The following RBFOX1 variants were observed in gnomAD, a reference collection of about 807,000 sequenced individuals.
RBFOX1 encodes the protein RNA binding fox-1 homolog 1, also known as RNA binding protein fox-1 homolog 1.
A neutral mutation model predicts 57.7 loss-of-function variants in RBFOX1; 8 were observed. The observed-to-expected ratio is 0.14, with a 90% CI of 0.08 to 0.25. The LOEUF (loss-of-function observed/expected upper bound fraction) is 0.25, where lower values mean the gene tolerates loss of function less well. RBFOX1 is among the 10% of genes least tolerant of loss of function. The probability of loss-of-function intolerance (pLI) is 1.00; values close to 1 mark genes in which losing one functional copy is unlikely to be tolerated. For synonymous variants in RBFOX1, 326 were observed against 222.4 expected (o/e 1.47, Z -4.15); for missense variants, 611 against 548.5 (o/e 1.11, Z -1.14).
In RBFOX1 at chr16:7,711,821, A is replaced by C. The variant is rs761676306; in HGVS notation, c.*1076A>C. 6.6e-6 allele frequency: 1 copy of C among 152,630 alleles called. No individual in the cohort carries two copies. Among genetic ancestry groups the C allele is most frequent in the Non-Finnish European group, 1.5e-5 (1 of 68,034 alleles). The allele number at this position is 152,630 out of a possible 1,614,324, so 9.5% of individuals were successfully genotyped here. The stretch of plus-strand genomic sequence containing the variant: ...TTCGGATTTATAGAAGCATTTTACA[A>C]GTATTGCAATCATTGAGTAGAGATA... On this transcript the variant is annotated 3_prime_UTR_variant, in exon 16 of 16. Transcript: ENST00000550418.
chr16:6,542,226 A>G (rs901384590), intron 2 of RBFOX1, among the ~76,000 whole-genome samples: 1 of 151,882 alleles, frequency 6.6e-6, no homozygotes, highest in Non-Finnish European at 1.5e-5. Flanking sequence ...TTGCCCCACC[A>G]ACATCTATTT....
chr16:6,347,833 A>G (rs775654128), intron 2 of RBFOX1, among the ~76,000 whole-genome samples: 21 of 152,246 alleles, frequency 1.4e-4, no homozygotes, highest in Admixed American at 3.3e-4. Flanking sequence ...GTTTGTTGAA[A>G]GAATGAGTGA....
At position 7,426,361 on chromosome 16, in the gene RBFOX1, C is replaced by G. The variant is rs533761408; in HGVS notation, c.28-91786C>G. Among the ~76,000 whole-genome samples the G allele has an allele frequency of 9.8e-5, 15 of 152,324 alleles. No homozygotes were observed. In the East Asian group the frequency reaches 2.9e-3, roughly 29 times the overall value. On this transcript the variant is annotated intron_variant, in intron 4 of 15. Coordinates refer to ENST00000550418, the MANE Select transcript of RBFOX1 (RefSeq NM_018723.4). Reference sequence around the variant, plus strand: ...GGGAGTTGCCAGTCACCACTTAACACCCAGCTCTGGGGGCACCATGGGCAC... The same window carrying G: ...GGGAGTTGCCAGTCACCACTTAACAGCCAGCTCTGGGGGCACCATGGGCAC...
chr16:6,437,208 G>T (rs1169684048), intron 2 of RBFOX1, among the ~76,000 whole-genome samples: 4 of 152,158 alleles, frequency 2.6e-5, no homozygotes, highest in Non-Finnish European at 5.9e-5. Context: ...TGTTCAATCA[G>T]GAATGAGCGT....
chr16:6,639,983 C>A (rs1238929183), intron 2 of RBFOX1, among the ~76,000 whole-genome samples: 1 of 152,162 alleles, frequency 6.6e-6, no homozygotes, highest in Non-Finnish European at 1.5e-5. Flanking sequence ...TATCTCAGTA[C>A]TAACACTAAC....
chr16:5,718,581 T>G (rs1394021725), intron 3 of RBFOX1, among the ~76,000 whole-genome samples: 2 of 152,226 alleles, frequency 1.3e-5, no homozygotes, highest in African/African-American at 4.8e-5. Flanking sequence ...TGACACATAC[T>G]TAGATTTGAT....
intron 2 of RBFOX1, among the ~76,000 whole-genome samples, chr16:6,621,209 C>T (rs1415138163): frequency 2.0e-5 from 3 of 152,192 alleles, no homozygotes; most frequent in Non-Finnish European, 4.4e-5. Context: ...CGCCTGTATT[C>T]CCAGCACATT....
intron 4 of RBFOX1, among the ~76,000 whole-genome samples, chr16:7,264,174 C>T (rs2095040354): frequency 6.6e-6 from 1 of 152,116 alleles, no homozygotes; most frequent in South Asian, 2.1e-4. Flanking sequence ...TCCTGGACTC[C>T]AGACCTCAAG....
rs556034063 is a variant in RBFOX1, at chr16:5,437,377, G to A, written c.220-29839G>A. Among the ~76,000 whole-genome samples the A allele has an allele frequency of 2.8e-4, 42 of 152,170 alleles. No individual in the cohort carries two copies. In the East Asian group the frequency reaches 6.6e-3, roughly 24 times the overall value. The stretch of plus-strand genomic sequence containing the variant: ...GGGAAACAATTTGGTATGATATACC[G>A]AAAACCTTAAAGAGACCTTGAACCA... On this transcript the variant is annotated intron_variant, in intron 1 of 2. Coordinates refer to the RBFOX1 transcript ENST00000585867.
chr16:6,482,905 T>C (rs1166281968), intron 2 of RBFOX1, among the ~76,000 whole-genome samples: 1 of 152,206 alleles, frequency 6.6e-6, no homozygotes, highest in Non-Finnish European at 1.5e-5. Flanking sequence ...TTTAGACATT[T>C]GATTGCTCGT....
At chr16:7,688,111 T>A (rs2076460261) in intron 14 of RBFOX1, among the ~76,000 whole-genome samples, 1 of 152,034 alleles carries the variant, frequency 6.6e-6, no homozygotes, top group Non-Finnish European at 1.5e-5. Context: ...CAGGTAGAAT[T>A]GGATTTTGTC....
At chr16:5,957,679 A>G (rs2059672170) in intron 4 of RBFOX1, among the ~76,000 whole-genome samples, 1 of 152,044 alleles carries the variant, frequency 6.6e-6, no homozygotes. Flanking sequence ...AAATTTTGGA[A>G]TTTTGTGGGT....
intron 1 of RBFOX1, among the ~76,000 whole-genome samples, chr16:5,350,550 A>G (rs1355485984): frequency 6.6e-6 from 1 of 152,172 alleles, no homozygotes; most frequent in Non-Finnish European, 1.5e-5. Flanking sequence ...TCCCACTTCT[A>G]GAGCCTCAGT....
chr16:5,978,043 A>G (rs531874318), intron 4 of RBFOX1, among the ~76,000 whole-genome samples: 2 of 147,732 alleles, frequency 1.4e-5, no homozygotes, highest in South Asian at 2.2e-4. Context: ...AGTTTTGTAA[A>G]GTAAGCTTTC....
intron 3 of RBFOX1, among the ~76,000 whole-genome samples, chr16:7,040,300 T>G (rs1193717541): frequency 6.6e-6 from 1 of 152,144 alleles, no homozygotes; most frequent in Non-Finnish European, 1.5e-5. Flanking sequence ...ATTGCAGGTG[T>G]GAGCCACCGT....
At chr16:5,956,678 A>ATTTTTTTTTTTT (rs34743228) in intron 4 of RBFOX1, among the ~76,000 whole-genome samples, 3 of 116,508 alleles carry the variant, frequency 2.6e-5, no homozygotes, top group African/African-American at 6.9e-5. Flanking sequence ...ATATATATAT[A>ATTTTTTTTTTTT]TTTTTTTTGA....
At chr16:6,988,962 C>A (rs1013210900) in intron 3 of RBFOX1, among the ~76,000 whole-genome samples, 1 of 151,966 alleles carries the variant, frequency 6.6e-6, no homozygotes, top group African/African-American at 2.4e-5. Flanking sequence ...TGGGTTTTCC[C>A]ATGTTGGCTA....
At chr16:7,470,279 G>A (rs866113580) in intron 4 of RBFOX1, among the ~76,000 whole-genome samples, 8 of 152,286 alleles carry the variant, frequency 5.3e-5, no homozygotes, top group South Asian at 4.1e-4. Flanking sequence ...CATCCTTAGT[G>A]CAGGTGCCCT....
intron 2 of RBFOX1, among the ~76,000 whole-genome samples, chr16:5,533,328 G>C (rs1050618780): frequency 5.3e-5 from 8 of 152,176 alleles, no homozygotes; most frequent in Non-Finnish European, 8.8e-5. Flanking sequence ...TATGTGCTGG[G>C]CTAATTTCAA....
Sources: allele counts gnomAD v4.1 joint callset (sites outside exome capture counted in the v4.1 genomes callset), GRCh38; gene constraint gnomAD v4.1.1; transcripts MANE v1.5; gene names NCBI Gene and HGNC (gene_info 2026-07-23, HGNC 2026-07-21).